The following CDH18 variants were observed in gnomAD, a reference collection of about 807,000 sequenced individuals.
CDH18 encodes the protein cadherin-18.
A neutral mutation model predicts 67.9 loss-of-function variants in CDH18; 31 were observed. The ratio of observed to expected loss-of-function variants is 0.46; its 90% CI spans 0.34 to 0.62. The LOEUF (loss-of-function observed/expected upper bound fraction) is 0.62. Ranked by LOEUF, CDH18 falls within the 20% of genes least tolerant of loss-of-function variation. The pLI is 0.01. For synonymous variants in CDH18, 362 were observed against 347.2 expected (o/e 1.04, Z -0.48); for missense variants, 890 against 975.5 (o/e 0.91, Z 1.17).
intron 8 of CDH18, among the ~76,000 whole-genome samples, chr5:19,567,114 A>T (rs1740546283): frequency 6.6e-6 from 1 of 152,058 alleles, no homozygotes; most frequent in African/African-American, 2.4e-5. Context: ...GTAATTGGGG[A>T]TGATTACTGG....
intron 6 of CDH18, among the ~76,000 whole-genome samples, chr5:19,594,759 T>A (rs897736545): frequency 6.6e-6 from 1 of 152,110 alleles, no homozygotes; most frequent in African/African-American, 2.4e-5. Flanking sequence ...GTCATTTGGA[T>A]TTTGATAGGG....
chr5:19,632,862 C>T (rs989406778), intron 5 of CDH18, among the ~76,000 whole-genome samples: 1 of 152,116 alleles, frequency 6.6e-6, no homozygotes, highest in African/African-American at 2.4e-5. Flanking sequence ...TCTACAGGTG[C>T]TTCCTCTTCC....
rs774606920 is a variant in CDH18 at position 19,473,544 on chromosome 5, G to A, written c.2055C>T (p.Leu685=). 1 of 1,613,814 alleles carries A rather than the reference G, an allele frequency of 6.2e-7. No individual in the cohort carries two copies. The highest frequency in any genetic ancestry group is 8.5e-7 in the Non-Finnish European group (1 of 1,179,874). Residue 685 remains leucine, a synonymous_variant, in exon 13 of 13, where the codon CTC becomes CTT. Coordinates refer to ENST00000382275, the MANE Select transcript of CDH18 (RefSeq NM_004934.5). ...CAGGTCTGATATCCCTCCGGTACTT[G>A]AGCTCCTCAGCAGCAGAAGGATTCC... is the stretch of plus-strand genomic sequence containing the variant. ...ALRNPSAAEE[L]KYRRDIRPEV...
intron 1 of CDH18, among the ~76,000 whole-genome samples, chr5:20,354,200 A>G (rs1262066478): frequency 6.6e-6 from 1 of 152,216 alleles, no homozygotes; most frequent in Non-Finnish European, 1.5e-5. Context: ...TGTAAGATAA[A>G]AGTGCATGGT....
chr5:19,963,085 A>T (rs1267307713), intron 2 of CDH18, among the ~76,000 whole-genome samples: 1 of 152,154 alleles, frequency 6.6e-6, no homozygotes, highest in Non-Finnish European at 1.5e-5. Flanking sequence ...AAAAACTGAA[A>T]TATGAACATC....
chr5:20,252,187 C>G (rs2126600306), intron 2 of CDH18, among the ~76,000 whole-genome samples: 1 of 151,920 alleles, frequency 6.6e-6, no homozygotes, highest in Non-Finnish European at 1.5e-5. Context: ...CCCCTTTCTA[C>G]TAAAAATACA....
At chr5:19,803,834 A>C (rs1470433976) in intron 3 of CDH18, 1 of 152,112 alleles carries the variant, frequency 6.6e-6, no homozygotes, top group Non-Finnish European at 1.5e-5. Context: ...TAAAAGATAA[A>C]TCCTAGGCCG....
intron 1 of CDH18, among the ~76,000 whole-genome samples, chr5:20,261,492 G>A (rs1744649382): frequency 6.6e-6 from 1 of 152,286 alleles, no homozygotes; most frequent in Non-Finnish European, 1.5e-5. Context: ...TCTAATCCCA[G>A]CACTTTGGGA....
At chr5:19,644,012 G>GTA (rs1339773071) in intron 5 of CDH18, among the ~76,000 whole-genome samples, 6 of 152,026 alleles carry the variant, frequency 3.9e-5, no homozygotes, top group Non-Finnish European at 7.4e-5. Flanking sequence ...AACATACATA[G>GTA]TGCCTCTCCT....
intron 3 of CDH18, among the ~76,000 whole-genome samples, chr5:19,785,077 C>T (rs1032230810): frequency 2.0e-5 from 3 of 152,112 alleles, no homozygotes; most frequent in African/African-American, 7.2e-5. Context: ...TGTAACCCAA[C>T]CACCTCAGGC....
intron 1 of CDH18, among the ~76,000 whole-genome samples, chr5:20,510,545 A>G (rs751788205): frequency 9.9e-5 from 15 of 152,118 alleles, no homozygotes; most frequent in Non-Finnish European, 1.6e-4. Flanking sequence ...TCTGACTCCC[A>G]TAATCTCACC....
At chr5:20,360,590 T>G (rs1160365811) in intron 1 of CDH18, among the ~76,000 whole-genome samples, 1 of 152,174 alleles carries the variant, frequency 6.6e-6, no homozygotes, top group Non-Finnish European at 1.5e-5. Context: ...GAATATTCCT[T>G]AAAATTGAAT....
intron 1 of CDH18, among the ~76,000 whole-genome samples, chr5:20,397,200 G>T (rs1446099104): frequency 6.6e-6 from 1 of 152,048 alleles, no homozygotes; most frequent in Non-Finnish European, 1.5e-5. Flanking sequence ...GTACGATCTT[G>T]GCTCACGGCA....
At chr5:20,062,767 C>T (rs1037488042) in intron 2 of CDH18, among the ~76,000 whole-genome samples, 1 of 152,094 alleles carries the variant, frequency 6.6e-6, no homozygotes, top group African/African-American at 2.4e-5. Flanking sequence ...CACATCTACA[C>T]ATCAAAAATT....
chr5:19,964,065 G>A (rs1406375645), intron 2 of CDH18, among the ~76,000 whole-genome samples: 1 of 152,070 alleles, frequency 6.6e-6, no homozygotes, highest in African/African-American at 2.4e-5. Flanking sequence ...TGGGATTTGA[G>A]TGAGGACACA....
chr5:20,456,187 C>A (rs1164495845), intron 1 of CDH18, among the ~76,000 whole-genome samples: 1 of 152,012 alleles, frequency 6.6e-6, no homozygotes, highest in Non-Finnish European at 1.5e-5. Context: ...AGACTCACGA[C>A]ATGTAAATAT....
At chr5:20,019,489 T>C (rs1469690272) in intron 2 of CDH18, among the ~76,000 whole-genome samples, 2 of 152,120 alleles carry the variant, frequency 1.3e-5, no homozygotes, top group Non-Finnish European at 2.9e-5. Flanking sequence ...CCAATTTGCC[T>C]CTTGCTGGTC....
chr5:19,551,267 C>T (rs529423175), intron 8 of CDH18, among the ~76,000 whole-genome samples: 31 of 152,292 alleles, frequency 2.0e-4, no homozygotes, highest in Middle Eastern at 3.4e-3. Context: ...CACTGAAAAA[C>T]ACCTACATTC....
intron 1 of CDH18, among the ~76,000 whole-genome samples, chr5:20,529,257 C>T (rs931825045): frequency 7.3e-5 from 11 of 150,118 alleles, no homozygotes; most frequent in Admixed American, 3.3e-4. Flanking sequence ...AATAAATAGC[C>T]TACCAATGGG....
Sources: gnomAD v4.1 joint callset for allele counts (sites outside exome capture counted in the v4.1 genomes callset) on GRCh38, gnomAD v4.1.1 for gene constraint, MANE v1.5 for transcripts, NCBI Gene and HGNC (gene_info 2026-07-23, HGNC 2026-07-21) for gene names.